Variants in APC observed in about 807,000 individuals in gnomAD.
APC encodes the protein adenomatous polyposis coli protein.
Under a neutral mutation model 247.0 loss-of-function variants are expected in APC, and 72 were observed. The ratio of observed to expected loss-of-function variants is 0.29; its 90% CI spans 0.24 to 0.35. The LOEUF (loss-of-function observed/expected upper bound fraction) is 0.35, where lower values mean the gene tolerates loss of function less well. Ranked by LOEUF, APC falls within the 10% of genes least tolerant of loss-of-function variation. The pLI is 1.00. For synonymous variants in APC, 1,254 were observed against 1,162.5 expected, an observed-to-expected ratio of 1.08 and a Z score of -1.60; for missense variants, 3,400 against 3,360.7, an observed-to-expected ratio of 1.01 and a Z score of -0.29.
rs764203580 is a variant in APC, at chr5:112,840,972, C to A, written c.5378C>A (p.Ala1793Glu). ...TEYRTRVRKN[A>E]DSKNNLNAER... Reference sequence around the variant, plus strand: ...TATAGGACACGTGTAAGAAAAAATGCAGACTCAAAAAATAATTTAAATGCT... The same window carrying A: ...TATAGGACACGTGTAAGAAAAAATGAAGACTCAAAAAATAATTTAAATGCT... The change falls in exon 16 of 16, where the codon GCA (alanine) becomes GAA (glutamate). Residue 1793 changes from alanine (A) to glutamate (E), a missense_variant. This residue lies in a region of APC where 1,788 missense variants were observed against 1,649.5 expected (regional missense o/e 1.08). Coordinates refer to ENST00000257430, the MANE Select transcript of APC (RefSeq NM_000038.6). The surrounding 1 kb of genome is among the most constrained non-coding windows in gnomAD (Gnocchi z 4.1). The A allele has an allele frequency of 6.2e-7, 1 of 1,612,656 alleles. No individual in the cohort carries two copies. Among genetic ancestry groups the A allele is most frequent in the South Asian group, 1.1e-5 (1 of 90,944 alleles).
chr5:112,793,407 T>C (rs1759861422), intron 7 of APC, among the ~76,000 whole-genome samples: 1 of 152,066 alleles, frequency 6.6e-6, no homozygotes, highest in Admixed American at 6.6e-5. Context: ...GGAATGTGAC[T>C]AACCCTGATT....
Position 112,775,723 on chromosome 5 carries a change from C to G in APC, c.517C>G (p.Pro173Ala), listed in dbSNP as rs1370818467. ...TCTCACTAAAAGAATAGATAGTCTT[C>G]CTTTAACTGAAAATGTAAGTAACTT... ...QNLTKRIDSL[P>A]LTENFSLQTD... Residue 173 changes from proline (P) to alanine (A), a missense_variant, in exon 5 of 16, where the codon CCT (proline) becomes GCT (alanine). Pro to Ala is a conservative substitution (Grantham distance 27). Transcript: ENST00000257430. 2 of 1,566,728 alleles carry G rather than the reference C, an allele frequency of 1.3e-6. No homozygotes were observed. Among genetic ancestry groups the G allele is most frequent in the South Asian group, 1.2e-5 (1 of 84,404 alleles).
At chr5:112,776,843 T>G (rs972035458) in intron 5 of APC, among the ~76,000 whole-genome samples, 14 of 150,800 alleles carry the variant, frequency 9.3e-5, no homozygotes, top group African/African-American at 3.4e-4. Context: ...AGACTCCATC[T>G]CAAAACAAAA....
rs146048493 is a variant in APC at position 112,842,579 on chromosome 5, A to G, written c.6985A>G (p.Ile2329Val). 240 of 1,613,838 alleles carry G rather than the reference A, an allele frequency of 1.5e-4. No individual in the cohort carries two copies. The highest frequency in any genetic ancestry group is 1.3e-4 in the Admixed American group (8 of 60,020). ...RPIQSPGRNS[I>V]SPGRNGISPP... is the part of the protein sequence containing the mutation. ...TATACAGTCTCCTGGCCGAAACTCA[A>G]TTTCCCCTGGTAGAAATGGAATAAG... Residue 2329 changes from isoleucine to valine, a missense_variant, in exon 16 of 16, where the codon ATT (isoleucine) becomes GTT (valine). Physicochemically the swap from Ile to Val is conservative, Grantham distance 29. This residue lies in a region of APC where 1,788 missense variants were observed against 1,649.5 expected (regional missense o/e 1.08). Transcript: ENST00000257430.
At chr5:112,735,027 T>A (rs550670545), upstream of APC, among the ~76,000 whole-genome samples, 47 of 152,290 alleles carry the variant, frequency 3.1e-4, no homozygotes, top group Non-Finnish European at 7.3e-5. Flanking sequence ...TTGAATTATA[T>A]GTTCATATTT....
At chr5:112,802,621 A>G (rs1013341642) in intron 8 of APC, among the ~76,000 whole-genome samples, 8 of 152,136 alleles carry the variant, frequency 5.3e-5, no homozygotes, top group African/African-American at 1.9e-4. Flanking sequence ...AATAAATTCT[A>G]AGTAGATTAG....
At chr5:112,766,898 CTTGA>C (rs1278262160) in intron 3 of APC, among the ~76,000 whole-genome samples, 128 of 152,258 alleles carry the variant, frequency 8.4e-4, no homozygotes, top group African/African-American at 2.8e-3. Context: ...AGAGAAAGTG[CTTGA>C]TAATAATTGA....
chr5:112,821,509 T>G (rs555189422), intron 10 of APC, among the ~76,000 whole-genome samples: 15 of 151,952 alleles, frequency 9.9e-5, no homozygotes, highest in East Asian at 3.9e-4. Context: ...GTTTTGTTTT[T>G]TTTTTGTTGT....
At position 112,827,226 on chromosome 5, in the gene APC, T is replaced by G. The variant is rs750902138; in HGVS notation, c.1527T>G (p.Thr509=). The G allele has an allele frequency of 6.2e-7, 1 of 1,613,920 alleles. No homozygotes were observed. Among genetic ancestry groups the G allele is most frequent in the South Asian group, 1.1e-5 (1 of 91,086 alleles). ...CTGGAATGGCTTTGACAAACTTGAC[T>G]TTTGGAGATGTAGCCAACAAGGTAT... ...RYAGMALTNL[T]FGDVANKATL... Residue 509 remains threonine, a synonymous_variant, in exon 12 of 16, where the codon ACT becomes ACG. Coordinates refer to ENST00000257430, the MANE Select transcript of APC (RefSeq NM_000038.6).
Position 112,767,184 on chromosome 5 carries a change from T to C in APC, c.221-5T>C, listed in dbSNP as rs1057524155. ...TGTATAAAAACTTGTTTCTATTTTA[T>C]TTAGAGCTTAACTTAGATAGCAGTA... is the stretch of plus-strand genomic sequence containing the variant. On this transcript the variant is annotated splice_polypyrimidine_tract_variant and splice_region_variant and intron_variant, in intron 3 of 15. Transcript: ENST00000257430. 1 of 1,611,374 alleles carries C rather than the reference T, an allele frequency of 6.2e-7. No homozygotes were observed. The highest frequency in any genetic ancestry group is 8.5e-7 in the Non-Finnish European group (1 of 1,177,442).
At chr5:112,748,557 A>G (rs116316972) in intron 1 of APC, among the ~76,000 whole-genome samples, 21 of 152,276 alleles carry the variant, frequency 1.4e-4, no homozygotes, top group African/African-American at 5.1e-4. Flanking sequence ...AATGTCTGTA[A>G]CATTTCACTA....
intron 8 of APC, among the ~76,000 whole-genome samples, chr5:112,803,066 A>G (rs1370921052): frequency 3.3e-5 from 5 of 152,184 alleles, no homozygotes; most frequent in Admixed American, 3.3e-4. Flanking sequence ...ATATATAAAT[A>G]CAAATTAAAA....
chr5:112,784,798 A>G (rs990519047), intron 6 of APC, among the ~76,000 whole-genome samples: 3 of 152,226 alleles, frequency 2.0e-5, no homozygotes, highest in Non-Finnish European at 2.9e-5. Context: ...GTTTTTAAAC[A>G]TAAGTATTAC....
In APC at chr5:112,788,415, A is replaced by G. The variant is rs113447733; in HGVS notation, c.646-4031A>G. On this transcript the variant is annotated intron_variant, in intron 6 of 15. Coordinates refer to ENST00000257430, the MANE Select transcript of APC (RefSeq NM_000038.6). ...TTGAAAGGATGGACTCTGGAACCAGACCTTCTATATTCAAATCCCAGACCT... is the reference window on the plus strand; with the variant it reads ...TTGAAAGGATGGACTCTGGAACCAGGCCTTCTATATTCAAATCCCAGACCT... Among the ~76,000 whole-genome samples the G allele has an allele frequency of 4.9e-3, 740 of 152,228 alleles. 7 individuals are homozygous for G. Among genetic ancestry groups the G allele is most frequent in the African/African-American group, 0.017 (708 of 41,544 alleles).
intron 8 of APC, among the ~76,000 whole-genome samples, chr5:112,804,745 A>G (rs1336997262): frequency 6.6e-6 from 1 of 152,166 alleles, no homozygotes; most frequent in Admixed American, 6.6e-5. Flanking sequence ...TATAATCCCA[A>G]CACTTAGGGA....
At chr5:112,712,367 G>C (rs562300831) in intron 1 of APC, among the ~76,000 whole-genome samples, 10 of 151,844 alleles carry the variant, frequency 6.6e-5, no homozygotes, top group Non-Finnish European at 1.3e-4. Flanking sequence ...CCCTCACCTA[G>C]TGTGTGTGTG....
intron 11 of APC, among the ~76,000 whole-genome samples, chr5:112,826,606 A>C (rs867150845): frequency 2.2e-4 from 33 of 150,050 alleles, no homozygotes; most frequent in Middle Eastern, 6.8e-3. Flanking sequence ...AAAAAACAAA[A>C]CTTTTTAGTT....
At chr5:112,708,134 G>A (rs1750634440) in intron 1 of APC, among the ~76,000 whole-genome samples, 1 of 152,214 alleles carries the variant, frequency 6.6e-6, no homozygotes, top group African/African-American at 2.4e-5. Flanking sequence ...TGCTGCTGGA[G>A]CTTCGCCCCT....
At chr5:112,736,748 T>C (rs1452875630), upstream of APC, among the ~76,000 whole-genome samples, 1 of 152,150 alleles carries the variant, frequency 6.6e-6, no homozygotes, top group African/African-American at 2.4e-5. Flanking sequence ...ACCCCGTCTC[T>C]ACTAAAAATA....
Sources: gnomAD v4.1 joint callset for allele counts (sites outside exome capture counted in the v4.1 genomes callset) on GRCh38, gnomAD v4.1.1 for gene constraint, gnomAD v4.1.1 regional missense constraint, Gnocchi (gnomAD v3.1) non-coding constraint, MANE v1.5 for transcripts, NCBI Gene and HGNC (gene_info 2026-07-23, HGNC 2026-07-21) for gene names.